The following NAA35 variants were observed in gnomAD, a reference collection of about 807,000 sequenced individuals.
NAA35 encodes the protein N-alpha-acetyltransferase 35, NatC auxiliary subunit.
Under a neutral mutation model 101.7 loss-of-function variants are expected in NAA35, and 18 were observed. That is an observed-to-expected ratio of 0.18 (90% confidence interval 0.12 to 0.26). The LOEUF is 0.26. Ranked by LOEUF, NAA35 falls within the 10% of genes least tolerant of loss-of-function variation. NAA35 has a pLI of 1.00. For missense variants in NAA35, 601 were observed against 886.8 expected (o/e 0.68, Z 4.09); for synonymous variants, 267 against 273.1 (o/e 0.98, Z 0.22).
At chr9:85,994,612 A>G (rs1361062474) in intron 11 of NAA35, among the ~76,000 whole-genome samples, 2 of 152,172 alleles carry the variant, frequency 1.3e-5, no homozygotes, top group East Asian at 1.9e-4. Flanking sequence ...ATGTTGAATA[A>G]ATAATATAGT....
chr9:85,977,276 T>G, intron 9 of NAA35, 87 bp from the exon 10 acceptor site: 5 of 915,602 alleles, frequency 5.5e-6, no homozygotes, highest in Middle Eastern at 3.2e-4. Context: ...TTATTAACAT[T>G]GAGATTTAGG....
At chr9:85,994,146 A>G (rs1831058481) in intron 11 of NAA35, among the ~76,000 whole-genome samples, 1 of 152,218 alleles carries the variant, frequency 6.6e-6, no homozygotes, top group South Asian at 2.1e-4. Context: ...TTTTAATACT[A>G]TTTTGTAACA....
At chr9:85,973,401 TGGG>T (rs1327990509) in intron 6 of NAA35, among the ~76,000 whole-genome samples, 1 of 152,080 alleles carries the variant, frequency 6.6e-6, no homozygotes, top group Non-Finnish European at 1.5e-5. Flanking sequence ...GTGTGGTAGG[TGGG>T]GGAGTTGTCT....
intron 12 of NAA35, among the ~76,000 whole-genome samples, chr9:85,998,146 C>T (rs1831256806): frequency 6.6e-6 from 1 of 152,054 alleles, no homozygotes; most frequent in Non-Finnish European, 1.5e-5. Context: ...GATTTCCTGA[C>T]CTCGTGATCC....
In NAA35 at chr9:85,963,391, C is replaced by T. The variant is rs567214113; in HGVS notation, c.516+1211C>T. Among the ~76,000 whole-genome samples the T allele has an allele frequency of 2.0e-5, 3 of 151,306 alleles. No homozygotes were observed. The South Asian group carries it at 6.3e-4, about 32-fold the overall frequency. Reference sequence around the variant, plus strand: ...GTTCAAGCTATTCTTGTGCCTCAGCCTCCCGGGTAGCTGGGATTACAGGCG... The same window carrying T: ...GTTCAAGCTATTCTTGTGCCTCAGCTTCCCGGGTAGCTGGGATTACAGGCG... On this transcript the variant is annotated intron_variant, in intron 6 of 22. Coordinates refer to ENST00000361671, the MANE Select transcript of NAA35 (RefSeq NM_024635.4).
rs781302881 is a variant in NAA35 at position 85,962,490 on chromosome 9, CA to C, written c.516+329del. ...TGGGCAACAGAGCGAGACTCTGTCT[CA>C]AAAAAAAAAAAAAAAAAAGAAAGAA... is the stretch of plus-strand genomic sequence containing the variant. On this transcript the variant is annotated intron_variant, in intron 6 of 22. Transcript: ENST00000361671. 4.1e-4 allele frequency among the ~76,000 whole-genome samples: 35 copies of C among 85,942 alleles called. No individual in the cohort carries two copies. In the South Asian group the frequency reaches 7.7e-3, roughly 19 times the overall value. 56.4% of individuals were successfully genotyped at this position (85,942 alleles called of 152,430 possible).
chr9:85,950,401 G>A (rs140321776), intron 2 of NAA35, among the ~76,000 whole-genome samples: 253 of 152,202 alleles, frequency 1.7e-3, no homozygotes, highest in African/African-American at 5.7e-3. Context: ...ATGTGCCACC[G>A]CACCTGGCTA....
chr9:85,956,201 A>T (rs992166785), intron 2 of NAA35, among the ~76,000 whole-genome samples, 159 bp from the exon 3 acceptor site: 2 of 152,214 alleles, frequency 1.3e-5, no homozygotes, highest in African/African-American at 4.8e-5. Flanking sequence ...CACTGTATAG[A>T]ATGCATTATA....
intron 6 of NAA35, among the ~76,000 whole-genome samples, chr9:85,967,776 T>C (rs551613152): frequency 5.1e-4 from 77 of 151,166 alleles, no homozygotes; most frequent in Non-Finnish European, 7.4e-4. Context: ...CACTCCAGCC[T>C]GGGTGACAGA....
rs1470698881 is a variant in NAA35, at chr9:86,024,947, C to CT, written c.*2989dup. On this transcript the variant is annotated 3_prime_UTR_variant, in exon 23 of 23. Transcript: ENST00000361671. ...ACTGAGATAGGTCCCAAGGAATAGA[C>CT]TTGGGAGGGCCAGGGAATGGGGAGG... Among the ~76,000 whole-genome samples, 1 of 152,086 alleles carries CT rather than the reference C, an allele frequency of 6.6e-6. No homozygotes were observed. The highest frequency in any genetic ancestry group is 1.5e-5 in the Non-Finnish European group (1 of 68,012).
In NAA35 at chr9:85,942,198, A is replaced by G. The variant is rs1310775165; in HGVS notation, c.39A>G (p.Gly13=). 2 of 1,614,068 alleles carry G rather than the reference A, an allele frequency of 1.2e-6. No individual in the cohort carries two copies. Among genetic ancestry groups the G allele is most frequent in the Non-Finnish European group, 1.7e-6 (2 of 1,180,028 alleles). The change falls in exon 2 of 23, where the codon GGA becomes GGG. Residue 13 remains glycine (G), a synonymous_variant. Coordinates refer to ENST00000361671, the MANE Select transcript of NAA35 (RefSeq NM_024635.4). ...MKASVDDDDS[G]WELSMPEKME... ...CTTCTGTAGATGATGACGATTCAGG[A>G]TGGGAGCTCAGTATGCCAGAAAAAA...
Position 85,962,072 on chromosome 9 carries a change from T to C in NAA35, c.408T>C (p.His136=). 2 of 1,614,084 alleles carry C rather than the reference T, an allele frequency of 1.2e-6. No homozygotes were observed. Among genetic ancestry groups the C allele is most frequent in the South Asian group, 2.2e-5 (2 of 91,068 alleles). The change falls in exon 6 of 23, where the codon CAT becomes CAC. Residue 136 remains histidine, a synonymous_variant. Coordinates refer to ENST00000361671, the MANE Select transcript of NAA35 (RefSeq NM_024635.4). ...AQTVFTCLYI[H]NPDFIEDPAM... is the part of the protein sequence containing the mutation. ...CAGTATTTACGTGCCTTTACATTCA[T>C]AATCCAGACTTTATAGAAGATCCTG...
chr9:86,008,691 A>G (rs1268369719), intron 14 of NAA35, among the ~76,000 whole-genome samples: 1 of 152,228 alleles, frequency 6.6e-6, no homozygotes, highest in East Asian at 1.9e-4. Context: ...AATTGTATAT[A>G]TGGAAAACTT....
intron 11 of NAA35, among the ~76,000 whole-genome samples, chr9:85,989,386 G>A (rs1830796123): frequency 6.6e-6 from 1 of 152,036 alleles, no homozygotes; most frequent in South Asian, 2.1e-4. Context: ...CAGGAGAATC[G>A]CTTGAACCCA....
intron 11 of NAA35, chr9:85,986,671 G>T: frequency 3.2e-6 from 1 of 311,544 alleles, no homozygotes; most frequent in Non-Finnish European, 6.2e-6. Flanking sequence ...TGCAACCTCT[G>T]CCTCCCGGGT....
At chr9:85,959,742 A>C (rs746010493) in intron 4 of NAA35, 51 bp from the exon 5 acceptor site, 5 of 1,331,704 alleles carry the variant, frequency 3.8e-6, no homozygotes. Flanking sequence ...CATAGTAACC[A>C]TAAGTTTAAA....
chr9:85,975,437 C>T (rs1475108357), intron 8 of NAA35, among the ~76,000 whole-genome samples: 3 of 152,038 alleles, frequency 2.0e-5, no homozygotes, highest in Non-Finnish European at 2.9e-5. Flanking sequence ...CCTGTGAATA[C>T]CAAAACTCAA....
At chr9:85,975,625 T>C (rs1353336181) in intron 8 of NAA35, among the ~76,000 whole-genome samples, 1 of 152,244 alleles carries the variant, frequency 6.6e-6, no homozygotes, top group Non-Finnish European at 1.5e-5. Flanking sequence ...AAAATTTTTT[T>C]CTGAATACTT....
chr9:85,986,832 C>A, intron 11 of NAA35: 1 of 225,986 alleles, frequency 4.4e-6, no homozygotes, highest in Non-Finnish European at 8.8e-6. Flanking sequence ...CTCAAGTGAT[C>A]CGCCCTCCTT....
Sources: gnomAD v4.1 joint callset for allele counts (sites outside exome capture counted in the v4.1 genomes callset) on GRCh38, gnomAD v4.1.1 for gene constraint, MANE v1.5 for transcripts, NCBI Gene and HGNC (gene_info 2026-07-23, HGNC 2026-07-21) for gene names.